The following SF3B1 variants were observed in gnomAD, a reference collection of about 807,000 sequenced individuals.
SF3B1 encodes the protein splicing factor 3b subunit 1, also known as pre-mRNA processing 10.
A neutral mutation model predicts 153.8 loss-of-function variants in SF3B1; 12 were observed. The observed-to-expected ratio is 0.08, with a 90% CI of 0.05 to 0.13. SF3B1 has a LOEUF of 0.13. Among genes scored for constraint, SF3B1 ranks in the 10% least tolerant of loss-of-function variants. The probability of loss-of-function intolerance (pLI) is 1.00; values close to 1 mark genes in which losing one functional copy is unlikely to be tolerated. For missense variants in SF3B1, 513 were observed against 1,606.1 expected, an observed-to-expected ratio of 0.32 and a Z score of 11.63; for synonymous variants, 498 against 525.2, an observed-to-expected ratio of 0.95 and a Z score of 0.71.
intron 6 of SF3B1, among the ~76,000 whole-genome samples, chr2:197,411,280 A>G (rs2085063591): frequency 6.6e-6 from 1 of 152,264 alleles, no homozygotes; most frequent in Non-Finnish European, 1.5e-5. Flanking sequence ...ATATCAAAGT[A>G]GCATAGAGTT....
In SF3B1 at chr2:197,401,591, A is replaced by C. The variant is rs1559265690; in HGVS notation, c.2371-66T>G. ...GAAATGAAGAGAATACTCATTGCTG[A>C]TTACGTGATTTTAAAAAATAAAATT... is the stretch of plus-strand genomic sequence containing the variant. On this transcript the variant is annotated intron_variant, in intron 16 of 24. Coordinates refer to ENST00000335508, the MANE Select transcript of SF3B1 (RefSeq NM_012433.4). This position sits in a 1 kb window ranked among gnomAD's most constrained non-coding sequence, Gnocchi z 4.2. The C allele has an allele frequency of 6.7e-7, 1 of 1,499,704 alleles. No homozygotes were observed. The highest frequency in any genetic ancestry group is 9.1e-7 in the Non-Finnish European group (1 of 1,095,878). 92.9% of individuals were successfully genotyped at this position (1,499,704 alleles called of 1,614,324 possible).
intron 1 of SF3B1, among the ~76,000 whole-genome samples, chr2:197,431,422 T>G (rs1231118327): frequency 6.6e-6 from 1 of 152,130 alleles, no homozygotes; most frequent in Non-Finnish European, 1.5e-5. Context: ...GCCCAGCCCT[T>G]TTCTTCTTTC....
intron 23 of SF3B1, among the ~76,000 whole-genome samples, chr2:197,394,028 A>T (rs1251417826): frequency 6.6e-6 from 1 of 151,966 alleles, no homozygotes. Context: ...TACTAAACAT[A>T]CAAAAATTAG....
intron 4 of SF3B1, chr2:197,419,633 T>C (rs1456677739): frequency 4.5e-6 from 1 of 223,496 alleles, no homozygotes; most frequent in Non-Finnish European, 8.9e-6. Context: ...GACTGGCATA[T>C]AGCAGTACTG....
rs2085155669 is a variant in SF3B1, at chr2:197,416,901, C to T, written c.506G>A (p.Arg169Lys). ...QHLTKEEREI[R>K]QQLAEKAKAG... is the part of the protein sequence containing the mutation. ...TTTAGCTTTTTCTGCTAGCTGTTGC[C>T]TAATTTCTCGCTGAAAAAAACAGTG... The change falls in exon 6 of 25, where the codon AGG becomes AAG. Residue 169 changes from arginine to lysine, a missense_variant. Transcript: ENST00000335508. 1.2e-6 allele frequency: 2 copies of T among 1,610,866 alleles called. No homozygotes were observed. Among genetic ancestry groups the T allele is most frequent in the Admixed American group, 1.7e-5 (1 of 59,380 alleles).
chr2:197,428,018 AAATT>A (rs113443979), intron 1 of SF3B1, among the ~76,000 whole-genome samples: 3,452 of 151,468 alleles, frequency 0.023, 67 homozygotes, highest in Middle Eastern at 0.065. Flanking sequence ...ACTCCGTCTC[AAATT>A]AATTAATTAA....
At chr2:197,397,594 G>A (rs949655109) in intron 22 of SF3B1, among the ~76,000 whole-genome samples, 2 of 152,140 alleles carry the variant, frequency 1.3e-5, no homozygotes, top group Non-Finnish European at 2.9e-5. Flanking sequence ...CCAGGAGTTC[G>A]AGAACAGCCT....
chr2:197,411,686 A>G (rs1467486176), intron 6 of SF3B1, among the ~76,000 whole-genome samples: 1 of 152,030 alleles, frequency 6.6e-6, no homozygotes, highest in Non-Finnish European at 1.5e-5. Flanking sequence ...AAAAAAAGAA[A>G]AAAAGTTGGG....
At chr2:197,405,644 T>C (rs1265708823) in intron 9 of SF3B1, among the ~76,000 whole-genome samples, 172 bp from the exon 10 acceptor site, 1 of 152,206 alleles carries the variant, frequency 6.6e-6, no homozygotes. Flanking sequence ...TATATACTTC[T>C]CATCCACTAA....
chr2:197,421,966 C>A (rs2085250838), intron 2 of SF3B1, among the ~76,000 whole-genome samples: 1 of 151,926 alleles, frequency 6.6e-6, no homozygotes, highest in Non-Finnish European at 1.5e-5. Context: ...GGCAACAGAG[C>A]AAGACTTTGT....
rs111354698 is a variant in SF3B1 at position 197,400,446 on chromosome 2, AT to A, written c.2719-13del. 6.6e-5 allele frequency: 102 copies of A among 1,551,940 alleles called. No homozygotes were observed. Among genetic ancestry groups the A allele is most frequent in the South Asian group, 1.9e-4 (16 of 82,922 alleles). ...AACATTACTGAGTCCTAAAAAATAA[AT>A]TTAAAAAAAAGACATATTCATTTGG... On this transcript the variant is annotated splice_polypyrimidine_tract_variant and intron_variant, in intron 18 of 24. Coordinates refer to ENST00000335508, the MANE Select transcript of SF3B1 (RefSeq NM_012433.4). This position sits in a 1 kb window ranked among gnomAD's most constrained non-coding sequence, Gnocchi z 5.0.
At chr2:197,420,358 A>T (rs993853575) in intron 4 of SF3B1, 70 bp downstream of exon 4, 3 of 1,201,388 alleles carry the variant, frequency 2.5e-6, no homozygotes, top group African/African-American at 3.1e-5. Context: ...GCCAAAAAAA[A>T]TCAAAGGGCT....
Position 197,418,530 on chromosome 2 carries a change from T to C in SF3B1, c.474A>G (p.Glu158=). The C allele has an allele frequency of 6.2e-7, 1 of 1,612,336 alleles. No individual in the cohort carries two copies. ...NARTYMDVMR[E]QHLTKEEREI... is the part of the protein sequence containing the mutation. Reference sequence around the variant, plus strand: ...ATACTTCTTCTTTAGTCAAGTGTTGTTCTCGCATTACATCCATGTAAGTCC... The same window carrying C: ...ATACTTCTTCTTTAGTCAAGTGTTGCTCTCGCATTACATCCATGTAAGTCC... The change falls in exon 5 of 25, where the codon GAA becomes GAG. Residue 158 remains glutamate, a synonymous_variant. Coordinates refer to ENST00000335508, the MANE Select transcript of SF3B1 (RefSeq NM_012433.4).
chr2:197,404,929 A>G, intron 11 of SF3B1, 147 bp downstream of exon 11: 1 of 587,358 alleles, frequency 1.7e-6, no homozygotes. Flanking sequence ...CTGTAATCCC[A>G]GCACTTTGGG....
At chr2:197,425,984 A>G (rs1048922694) in intron 1 of SF3B1, among the ~76,000 whole-genome samples, 3 of 151,980 alleles carry the variant, frequency 2.0e-5, no homozygotes, top group African/African-American at 7.2e-5. Context: ...TGGATGAGAG[A>G]GAGACTGTCT....
chr2:197,432,290 T>C (rs1215617324), intron 1 of SF3B1, among the ~76,000 whole-genome samples: 2 of 152,232 alleles, frequency 1.3e-5, no homozygotes, highest in Non-Finnish European at 2.9e-5. Context: ...AGCTGATATG[T>C]AGGATTTTTG....
intron 11 of SF3B1, among the ~76,000 whole-genome samples, chr2:197,404,276 T>G (rs1353552948): frequency 1.3e-5 from 2 of 151,970 alleles, no homozygotes; most frequent in African/African-American, 4.8e-5. Context: ...CCAGGAGTAT[T>G]TAAATAATAA....
At chr2:197,396,437 C>T in intron 22 of SF3B1, 109 bp from the exon 23 acceptor site, 1 of 846,702 alleles carries the variant, frequency 1.2e-6, no homozygotes, top group Non-Finnish European at 1.8e-6. Context: ...TTACAGGGAA[C>T]TCAGTAATTT....
At position 197,405,335 on chromosome 2, in the gene SF3B1, C is replaced by T. The variant is rs1159710954; in HGVS notation, c.1377G>A (p.Gln459=). 2.5e-6 allele frequency: 4 copies of T among 1,614,018 alleles called. No individual in the cohort carries two copies. Among genetic ancestry groups the T allele is most frequent in the Admixed American group, 1.7e-5 (1 of 60,008 alleles). Residue 459 remains glutamine (Q), a synonymous_variant, in exon 10 of 25, where the codon CAG becomes CAA. Coordinates refer to ENST00000335508, the MANE Select transcript of SF3B1 (RefSeq NM_012433.4). ...EDRTMKSVND[Q]PSGNLPFLKP... The stretch of plus-strand genomic sequence containing the variant: ...TTAAAAATGGAAGATTTCCAGATGG[C>T]TGGTCATTAACACTTTTCATAGTTC...
Sources: gnomAD v4.1 joint callset for allele counts (sites outside exome capture counted in the v4.1 genomes callset) on GRCh38, gnomAD v4.1.1 for gene constraint, Gnocchi (gnomAD v3.1) non-coding constraint, MANE v1.5 for transcripts, NCBI Gene and HGNC (gene_info 2026-07-23, HGNC 2026-07-21) for gene names.